Variants in GOLIM4 observed in about 807,000 individuals in gnomAD.
GOLIM4 encodes 130 kDa golgi-localized phosphoprotein.
A neutral mutation model predicts 107.4 loss-of-function variants in GOLIM4; 71 were observed. The observed-to-expected ratio is 0.66, with a 90% confidence interval of 0.55 to 0.81. The LOEUF is 0.81. GOLIM4 is among the 30% of genes least tolerant of loss of function. The probability of loss-of-function intolerance (pLI) is 0.00; values close to 1 mark genes in which losing one functional copy is unlikely to be tolerated. For synonymous variants in GOLIM4, 327 were observed against 294.8 expected, an observed-to-expected ratio of 1.11 and a Z score of -1.12; for missense variants, 830 against 826.1, an observed-to-expected ratio of 1.00 and a Z score of -0.06.
At chr3:168,056,630 T>C (rs948861013) in intron 1 of GOLIM4, among the ~76,000 whole-genome samples, 7 of 152,192 alleles carry the variant, frequency 4.6e-5, no homozygotes, top group African/African-American at 1.4e-4. Flanking sequence ...CAGCATGACC[T>C]GGATATGAGA....
At position 168,041,515 on chromosome 3, in the gene GOLIM4, C is replaced by G. The variant is rs745400846; in HGVS notation, c.518-41G>C. On this transcript the variant is annotated intron_variant, in intron 5 of 15. Transcript: ENST00000470487. ...AAGGATCACACATAAAGCCTTGAAA[C>G]TTTCAGGATTCTGTTTCTATTATTT... The G allele has an allele frequency of 5.3e-6, 5 of 940,054 alleles. No individual in the cohort carries two copies. The East Asian group carries it at 1.2e-4, about 23-fold the overall frequency. The allele number at this position is 940,054 out of a possible 1,614,324, so 58.2% of individuals were successfully genotyped here.
chr3:168,044,635 T>C (rs1440151400), intron 4 of GOLIM4, among the ~76,000 whole-genome samples, 193 bp downstream of exon 4: 2 of 152,186 alleles, frequency 1.3e-5, no homozygotes, highest in South Asian at 2.1e-4. Context: ...AAATGTTCTA[T>C]GTAATCGAGT....
In GOLIM4 at chr3:168,032,817, T is replaced by C. The variant is rs1203476220; in HGVS notation, c.879A>G (p.Glu293=). ...SRNNDVWQNH[E]AVPGRAEDTK... is the part of the protein sequence containing the mutation. ...TGTCTTCTGCTCTTCCAGGAACTGC[T>C]TCATGGTTCTGCCACACATCATTAT... Residue 293 remains glutamate, a synonymous_variant, in exon 9 of 16, where the codon GAA becomes GAG. Coordinates refer to ENST00000470487, the MANE Select transcript of GOLIM4 (RefSeq NM_014498.5). 1 of 1,613,710 alleles carries C rather than the reference T, an allele frequency of 6.2e-7. No homozygotes were observed. Among genetic ancestry groups the C allele is most frequent in the Non-Finnish European group, 8.5e-7 (1 of 1,179,712 alleles).
At position 168,024,571 on chromosome 3, in the gene GOLIM4, CT is replaced by C; in HGVS notation, c.1814del (p.Gln605ArgfsTer21). 1 of 1,613,614 alleles carries C rather than the reference CT, an allele frequency of 6.2e-7. No individual in the cohort carries two copies. The highest frequency in any genetic ancestry group is 8.5e-7 in the Non-Finnish European group (1 of 1,179,550). ...HLVMAGNPDQ[Q>X]EDNVDEQYQE... is the part of the protein sequence containing the mutation. ...GGTACTGTTCATCAACATTGTCCTC[CT>C]GCTGGTCTGGATTTCCTGCCATCTG... is the stretch of plus-strand genomic sequence containing the variant. On this transcript the variant is annotated frameshift_variant, in exon 14 of 16. Coordinates refer to ENST00000470487, the MANE Select transcript of GOLIM4 (RefSeq NM_014498.5). LOFTEE classifies it high-confidence loss of function.
chr3:168,067,788 C>A (rs909578851), intron 1 of GOLIM4, among the ~76,000 whole-genome samples: 1 of 151,980 alleles, frequency 6.6e-6, no homozygotes, highest in African/African-American at 2.4e-5. Context: ...TCAGAGAATA[C>A]AACACAGCCA....
intron 14 of GOLIM4, among the ~76,000 whole-genome samples, chr3:168,013,670 C>A (rs1470270611): frequency 1.3e-5 from 2 of 151,646 alleles, no homozygotes; most frequent in Admixed American, 6.6e-5. Flanking sequence ...TGTAAAAGAA[C>A]AGAAATTATA....
intron 1 of GOLIM4, among the ~76,000 whole-genome samples, chr3:168,067,917 T>C (rs1720634151): frequency 6.6e-6 from 1 of 152,096 alleles, no homozygotes; most frequent in Non-Finnish European, 1.5e-5. Flanking sequence ...GGGCAGAAAG[T>C]ATTTCCATCA....
chr3:168,055,111 A>C (rs894222968), intron 1 of GOLIM4, among the ~76,000 whole-genome samples: 2 of 152,098 alleles, frequency 1.3e-5, no homozygotes, highest in Admixed American at 1.3e-4. Context: ...ACAAACTAAC[A>C]CAGTAAATTG....
intron 14 of GOLIM4, 146 bp downstream of exon 14, chr3:168,024,380 C>T: frequency 3.0e-6 from 2 of 660,060 alleles, no homozygotes; most frequent in South Asian, 1.9e-5. Context: ...TCCATTTTTG[C>T]TTTAAACCAC....
At chr3:168,022,941 A>T (rs1035988122) in intron 14 of GOLIM4, among the ~76,000 whole-genome samples, 3 of 152,242 alleles carry the variant, frequency 2.0e-5, no homozygotes, top group African/African-American at 7.2e-5. Context: ...TTTAGGCAGC[A>T]CTCAGCCAGG....
chr3:168,028,744 C>T (rs539267634), intron 11 of GOLIM4, among the ~76,000 whole-genome samples: 20 of 152,302 alleles, frequency 1.3e-4, no homozygotes, highest in African/African-American at 4.1e-4. Flanking sequence ...GAAAAAGATA[C>T]ACATCTAAGT....
chr3:168,041,380 GT>G lies in GOLIM4; in HGVS notation c.600+11del. 1 of 1,514,030 alleles carries G rather than the reference GT, an allele frequency of 6.6e-7. No homozygotes were observed. 93.8% of individuals were successfully genotyped at this position (1,514,030 alleles called of 1,614,324 possible). ...CAAACACTAAATAGTGAAACGTTTG[GT>G]TTTCTTTTACCTTGACATCTTGAAG... On this transcript the variant is annotated intron_variant, in intron 6 of 15. Transcript: ENST00000470487.
chr3:168,011,203 A>C, intron 14 of GOLIM4, among the ~76,000 whole-genome samples: 1 of 149,516 alleles, frequency 6.7e-6, no homozygotes, highest in African/African-American at 2.6e-5. Flanking sequence ...GCGCGAGCCA[A>C]AGCAGGGCGA....
intron 1 of GOLIM4, among the ~76,000 whole-genome samples, chr3:168,073,311 T>C (rs752176344): frequency 3.6e-4 from 55 of 152,240 alleles, no homozygotes; most frequent in Non-Finnish European, 4.9e-4. Context: ...AGTGCCTTTC[T>C]ATATAAGATA....
chr3:168,060,172 C>T (rs1577552531), intron 1 of GOLIM4, among the ~76,000 whole-genome samples: 1 of 151,600 alleles, frequency 6.6e-6, no homozygotes, highest in Admixed American at 6.6e-5. Flanking sequence ...TAGGCTTTAG[C>T]CTCAGCCTCC....
chr3:168,022,268 G>A (rs1717739458), intron 14 of GOLIM4, among the ~76,000 whole-genome samples: 1 of 151,904 alleles, frequency 6.6e-6, no homozygotes, highest in Non-Finnish European at 1.5e-5. Flanking sequence ...AGCGATGGCA[G>A]CCACAGGCCT....
At chr3:168,015,626 C>CCTGACTT (rs1717320369) in intron 14 of GOLIM4, among the ~76,000 whole-genome samples, 1 of 135,502 alleles carries the variant, frequency 7.4e-6, no homozygotes, top group South Asian at 2.1e-4. Context: ...CATCACACTA[C>CCTGACTT]CTGACTTCAA....
intron 8 of GOLIM4, among the ~76,000 whole-genome samples, chr3:168,034,480 G>A (rs1372265289): frequency 2.6e-5 from 4 of 152,190 alleles, no homozygotes; most frequent in Non-Finnish European, 5.9e-5. Flanking sequence ...TGAAGATACT[G>A]AACCTGTCTG....
At chr3:168,083,386 G>A (rs1190770821) in intron 1 of GOLIM4, among the ~76,000 whole-genome samples, 4 of 152,242 alleles carry the variant, frequency 2.6e-5, no homozygotes, top group South Asian at 2.1e-4. Context: ...GAAACAGTTC[G>A]CATATTATCA....
Sources: allele counts gnomAD v4.1 joint callset (sites outside exome capture counted in the v4.1 genomes callset), GRCh38; gene constraint gnomAD v4.1.1; transcripts MANE v1.5; gene names NCBI Gene and HGNC (gene_info 2026-07-23, HGNC 2026-07-21).